ZBTB20: variants seen among roughly 807,000 people sequenced by gnomAD.
ZBTB20 encodes zinc finger and BTB domain containing 20, also known as zinc finger and BTB domain-containing protein 20.
Under a neutral mutation model 56.9 loss-of-function variants are expected in ZBTB20, and 9 were observed. The ratio of observed to expected loss-of-function variants is 0.16; its 90% CI spans 0.10 to 0.28. The LOEUF (loss-of-function observed/expected upper bound fraction) is 0.28, where lower values mean the gene tolerates loss of function less well. Among genes scored for constraint, ZBTB20 ranks in the 10% least tolerant of loss-of-function variants. The pLI is 1.00. For missense variants in ZBTB20, 655 were observed against 1,003.0 expected (o/e 0.65, Z 4.69); for synonymous variants, 417 against 420.7 (o/e 0.99, Z 0.11).
At chr3:115,063,660 CACACACACACACACACACACACAA>C (rs2082095439) in intron 2 of ZBTB20, among the ~76,000 whole-genome samples, 1 of 87,838 alleles carries the variant, frequency 1.1e-5, no homozygotes, top group Non-Finnish European at 2.8e-5. Context: ...GCAACACACA[CACACACACACACACACACACACAA>C]ACACACACAC....
intron 7 of ZBTB20, among the ~76,000 whole-genome samples, chr3:114,390,988 TC>T (rs2085819138): frequency 9.5e-6 from 1 of 105,674 alleles, no homozygotes; most frequent in African/African-American, 4.7e-5. Flanking sequence ...CTTCAATTCT[TC>T]CGTTTTTTTT....
At chr3:114,559,868 T>A (rs2051781095) in intron 6 of ZBTB20, among the ~76,000 whole-genome samples, 1 of 152,184 alleles carries the variant, frequency 6.6e-6, no homozygotes, top group South Asian at 2.1e-4. Context: ...ATCATTCTAA[T>A]CATGTGGAAA....
intron 6 of ZBTB20, among the ~76,000 whole-genome samples, chr3:114,565,652 A>T (rs2052631735): frequency 6.6e-6 from 1 of 152,236 alleles, no homozygotes; most frequent in South Asian, 2.1e-4. Context: ...AAGTTACTAC[A>T]GTTATCATGT....
Position 114,351,277 on chromosome 3 carries a change from G to A in ZBTB20, c.801C>T (p.Val267=), listed in dbSNP as rs2080646366. Residue 267 remains valine (V), a synonymous_variant, in exon 11 of 12, where the codon GTC becomes GTT. Transcript: ENST00000675478. The part of the protein sequence containing the change: ...GERSFYSGAV[V]SHHETALGLP... ...GGCCGAGCGCAGTCTCGTGGTGGCTGACCACTGCGCCGCTGTAAAAAGAGC... is the reference window on the plus strand; with the variant it reads ...GGCCGAGCGCAGTCTCGTGGTGGCTAACCACTGCGCCGCTGTAAAAAGAGC... 1 of 1,603,020 alleles carries A rather than the reference G, an allele frequency of 6.2e-7. No homozygotes were observed. The highest frequency in any genetic ancestry group is 8.5e-7 in the Non-Finnish European group (1 of 1,179,060).
chr3:115,029,976 GA>G (rs1158350539), intron 2 of ZBTB20, among the ~76,000 whole-genome samples: 1 of 150,814 alleles, frequency 6.6e-6, no homozygotes, highest in Non-Finnish European at 1.5e-5. Flanking sequence ...AATAAATTTA[GA>G]AAAAACTATT....
rs1436450483 is a variant in ZBTB20, at chr3:114,326,561, G to T, written c.*12444C>A. On this transcript the variant is annotated 3_prime_UTR_variant, in exon 12 of 12. Transcript: ENST00000675478. Reference sequence around the variant, plus strand: ...ATACAGTAAGGGTGAGCAGTTATTTGACTGTCCATGGACAGTAACAAATTA... The same window carrying T: ...ATACAGTAAGGGTGAGCAGTTATTTTACTGTCCATGGACAGTAACAAATTA... 1 of 152,104 alleles carries T rather than the reference G, an allele frequency of 6.6e-6. No individual in the cohort carries two copies. The highest frequency in any genetic ancestry group is 2.4e-5 in the African/African-American group (1 of 41,410). The allele number at this position is 152,104 out of a possible 1,614,324, so 9.4% of individuals were successfully genotyped here.
chr3:114,784,455 C>T (rs927206879), intron 5 of ZBTB20, among the ~76,000 whole-genome samples: 1 of 152,158 alleles, frequency 6.6e-6, no homozygotes, highest in African/African-American at 2.4e-5. Flanking sequence ...AGCCACTGAT[C>T]CACTGCCCAA....
At chr3:114,629,859 A>C (rs2058844692) in intron 6 of ZBTB20, among the ~76,000 whole-genome samples, 1 of 152,222 alleles carries the variant, frequency 6.6e-6, no homozygotes, top group African/African-American at 2.4e-5. Context: ...ACTTTAAAGA[A>C]TATAAGAATA....
chr3:114,705,782 C>T (rs2063685450), intron 5 of ZBTB20, among the ~76,000 whole-genome samples: 1 of 152,126 alleles, frequency 6.6e-6, no homozygotes, highest in African/African-American at 2.4e-5. Context: ...GCCAGCTAAC[C>T]CAGAACCCAG....
intron 2 of ZBTB20, among the ~76,000 whole-genome samples, chr3:115,038,838 G>C (rs183232602): frequency 6.6e-6 from 1 of 151,928 alleles, no homozygotes; most frequent in South Asian, 2.1e-4. Context: ...AAGTGGTAAC[G>C]TCTAAAGGTT....
intron 4 of ZBTB20, among the ~76,000 whole-genome samples, chr3:114,846,842 G>A (rs2074728955): frequency 6.6e-6 from 1 of 152,034 alleles, no homozygotes; most frequent in Non-Finnish European, 1.5e-5. Context: ...CTCATAAAAG[G>A]AAAATGACTC....
rs147482632 is a variant in ZBTB20, at chr3:114,397,381, C to T, written c.-254-8276G>A. Among the ~76,000 whole-genome samples, 9 of 152,182 alleles carry T rather than the reference C, an allele frequency of 5.9e-5. No individual in the cohort carries two copies. In the East Asian group the frequency reaches 1.7e-3, roughly 29 times the overall value. Reference sequence around the variant, plus strand: ...ATGCAGTGTGGTAAGCTTATTAGCTCTCATCTCCTCTAATATCTCTGAATT... The same window carrying T: ...ATGCAGTGTGGTAAGCTTATTAGCTTTCATCTCCTCTAATATCTCTGAATT... On this transcript the variant is annotated intron_variant, in intron 7 of 11. Transcript: ENST00000675478.
intron 7 of ZBTB20, among the ~76,000 whole-genome samples, chr3:114,486,605 A>G (rs181755794): frequency 1.3e-4 from 20 of 152,314 alleles, no homozygotes; most frequent in Admixed American, 1.1e-3. Context: ...ACTTTTCATT[A>G]CTTTTCTTAT....
chr3:114,426,597 G>A (rs995495465), intron 7 of ZBTB20, among the ~76,000 whole-genome samples: 3 of 152,012 alleles, frequency 2.0e-5, no homozygotes, highest in Admixed American at 6.5e-5. Flanking sequence ...GCTTCCTTCC[G>A]CTGAGAATAC....
At chr3:115,117,126 A>G (rs1193394054) in intron 1 of ZBTB20, among the ~76,000 whole-genome samples, 1 of 152,138 alleles carries the variant, frequency 6.6e-6, no homozygotes, top group Admixed American at 6.6e-5. Flanking sequence ...AGCTTTTGAA[A>G]ATACAGTACT....
chr3:114,807,786 T>C (rs946959189), intron 4 of ZBTB20, among the ~76,000 whole-genome samples: 6 of 152,154 alleles, frequency 3.9e-5, no homozygotes, highest in Non-Finnish European at 8.8e-5. Flanking sequence ...TAATATGCTA[T>C]ATTGCATTAA....
At chr3:114,611,446 G>C (rs1196048265) in intron 6 of ZBTB20, among the ~76,000 whole-genome samples, 6 of 152,168 alleles carry the variant, frequency 3.9e-5, no homozygotes, top group Admixed American at 2.0e-4. Context: ...AATTTATGTT[G>C]TTCAGGAACA....
rs897802743 is a variant in ZBTB20 at position 115,044,122 on chromosome 3, G to A, written c.-507+27097C>T. Among the ~76,000 whole-genome samples, 3 of 152,208 alleles carry A rather than the reference G, an allele frequency of 2.0e-5. No individual in the cohort carries two copies. The East Asian group carries it at 5.8e-4, about 29-fold the overall frequency. ...CAGCACCATGCTTCCTGTACAGCCT[G>A]CAGAACTATGAGCCAATTAAACCTC... On this transcript the variant is annotated intron_variant, in intron 2 of 11. Coordinates refer to ENST00000675478, the MANE Select transcript of ZBTB20 (RefSeq NM_001348800.3).
intron 1 of ZBTB20, among the ~76,000 whole-genome samples, chr3:115,127,107 G>A (rs1308199393): frequency 6.6e-6 from 1 of 152,124 alleles, no homozygotes; most frequent in African/African-American, 2.4e-5. Context: ...TAAGCTTGTA[G>A]GTGGTATGAA....
Sources: allele counts gnomAD v4.1 joint callset (sites outside exome capture counted in the v4.1 genomes callset), GRCh38; gene constraint gnomAD v4.1.1; transcripts MANE v1.5; gene names NCBI Gene and HGNC (gene_info 2026-07-23, HGNC 2026-07-21).